Variants in KIAA1328 observed in about 807,000 individuals in gnomAD.
KIAA1328 encodes protein hinderin.
In KIAA1328, 52 loss-of-function variants were observed where a neutral mutation model predicts 68.1. The ratio of observed to expected loss-of-function variants is 0.76; its 90% CI spans 0.61 to 0.96. The LOEUF (loss-of-function observed/expected upper bound fraction) is 0.96. Ranked by LOEUF, KIAA1328 falls within the 40% of genes least tolerant of loss-of-function variation. The pLI is 0.00. For missense variants in KIAA1328, 641 were observed against 677.6 expected (o/e 0.95, Z 0.60); for synonymous variants, 232 against 239.4 (o/e 0.97, Z 0.28).
intron 5 of KIAA1328, among the ~76,000 whole-genome samples, chr18:36,948,260 TG>T (rs1239008716): frequency 6.2e-4 from 90 of 144,578 alleles, no homozygotes; most frequent in African/African-American, 1.8e-3. Context: ...GTTTGTCTTT[TG>T]TTTTTTTTTT....
chr18:37,033,249 A>C (rs1258818291), intron 6 of KIAA1328, among the ~76,000 whole-genome samples: 1 of 152,062 alleles, frequency 6.6e-6, no homozygotes, highest in African/African-American at 2.4e-5. Flanking sequence ...ATCATTTGTC[A>C]TCTCCAGGTG....
intron 5 of KIAA1328, among the ~76,000 whole-genome samples, chr18:36,929,449 A>G (rs1247428056): frequency 4.0e-5 from 6 of 151,288 alleles, no homozygotes; most frequent in African/African-American, 1.5e-4. Flanking sequence ...CCTTCAATGT[A>G]CCTGACTTTG....
At chr18:37,051,405 C>G (rs756413667) in intron 6 of KIAA1328, among the ~76,000 whole-genome samples, 1 of 152,122 alleles carries the variant, frequency 6.6e-6, no homozygotes, top group Non-Finnish European at 1.5e-5. Flanking sequence ...ATATGATCCT[C>G]AGAGACTACT....
At chr18:36,979,157 A>G (rs990792828) in intron 6 of KIAA1328, among the ~76,000 whole-genome samples, 5 of 151,752 alleles carry the variant, frequency 3.3e-5, no homozygotes, top group African/African-American at 4.8e-5. Context: ...CTGAGACCCT[A>G]TCTCTAAAAA....
intron 7 of KIAA1328, among the ~76,000 whole-genome samples, chr18:37,091,231 G>A (rs944028330): frequency 6.6e-6 from 1 of 152,280 alleles, no homozygotes; most frequent in East Asian, 1.9e-4. Flanking sequence ...GTCAAATAGA[G>A]CTTCTTGGAG....
At chr18:36,840,591 GATTACAGGA>G (rs2046826839) in intron 3 of KIAA1328, among the ~76,000 whole-genome samples, 2 of 151,970 alleles carry the variant, frequency 1.3e-5, no homozygotes, top group South Asian at 4.2e-4. Context: ...AACTAGCTGG[GATTACAGGA>G]ACGCACTACC....
intron 3 of KIAA1328, among the ~76,000 whole-genome samples, chr18:36,836,563 T>C (rs959321240): frequency 2.0e-5 from 3 of 152,172 alleles, no homozygotes; most frequent in Admixed American, 1.3e-4. Context: ...ATTTTACTTA[T>C]GTGCACAGAC....
chr18:36,977,897 T>A (rs1309209295), intron 6 of KIAA1328, among the ~76,000 whole-genome samples: 1 of 151,904 alleles, frequency 6.6e-6, no homozygotes, highest in Non-Finnish European at 1.5e-5. Flanking sequence ...GATTCTCATG[T>A]CTCAGCCTTT....
At chr18:37,027,784 A>T (rs1156264039) in intron 6 of KIAA1328, among the ~76,000 whole-genome samples, 4 of 151,978 alleles carry the variant, frequency 2.6e-5, no homozygotes, top group Non-Finnish European at 4.4e-5. Context: ...AACCTAGGCA[A>T]TACCATTCAG....
chr18:37,069,450 T>A (rs973711802), intron 7 of KIAA1328, among the ~76,000 whole-genome samples: 2 of 152,032 alleles, frequency 1.3e-5, no homozygotes, highest in East Asian at 3.9e-4. Context: ...TGATGAGGGA[T>A]ATTGTTCTGT....
At chr18:37,211,321 C>T (rs2060311782) in intron 9 of KIAA1328, among the ~76,000 whole-genome samples, 1 of 152,162 alleles carries the variant, frequency 6.6e-6, no homozygotes, top group African/African-American at 2.4e-5. Context: ...ACCTCAGTTT[C>T]CTCATCAATA....
intron 6 of KIAA1328, among the ~76,000 whole-genome samples, chr18:37,015,329 G>A (rs993378330): frequency 6.6e-6 from 1 of 152,004 alleles, no homozygotes; most frequent in Non-Finnish European, 1.5e-5. Context: ...CTTATTTCTG[G>A]GTTTTCTATT....
intron 6 of KIAA1328, among the ~76,000 whole-genome samples, chr18:37,049,141 G>A (rs1329926913): frequency 1.3e-5 from 2 of 152,166 alleles, no homozygotes; most frequent in Non-Finnish European, 2.9e-5. Flanking sequence ...CACAGTTTAA[G>A]AGAACTGTAA....
At chr18:37,178,339 A>G (rs1358285506) in intron 9 of KIAA1328, among the ~76,000 whole-genome samples, 1 of 152,090 alleles carries the variant, frequency 6.6e-6, no homozygotes, top group Non-Finnish European at 1.5e-5. Flanking sequence ...CCAGTTCAGT[A>G]TTTGTTTTTT....
intron 7 of KIAA1328, among the ~76,000 whole-genome samples, chr18:37,132,228 A>C (rs1437770861): frequency 6.6e-6 from 1 of 152,212 alleles, no homozygotes; most frequent in Non-Finnish European, 1.5e-5. Flanking sequence ...ATCCGAAAAC[A>C]AAAGGTCTTG....
rs537245746 is a variant in KIAA1328, at chr18:36,914,228, C to T, written c.448+28556C>T. The stretch of plus-strand genomic sequence containing the variant: ...ACAAAGCCTGCTCAGCTAAATCTAT[C>T]TCTTTTTTGTGTGCCATAGCATATA... On this transcript the variant is annotated intron_variant, in intron 5 of 9. Coordinates refer to ENST00000280020, the MANE Select transcript of KIAA1328 (RefSeq NM_020776.3). Among the ~76,000 whole-genome samples, 3 of 152,126 alleles carry T rather than the reference C, an allele frequency of 2.0e-5. No homozygotes were observed. The East Asian group carries it at 5.8e-4, about 29-fold the overall frequency.
intron 9 of KIAA1328, among the ~76,000 whole-genome samples, chr18:37,216,979 G>GTTTTTTTT (rs1480974787): frequency 1.4e-5 from 1 of 71,064 alleles, no homozygotes; most frequent in African/African-American, 5.6e-5. Context: ...CTTTTTTTTT[G>GTTTTTTTT]TTTTTTTTTT....
At chr18:37,178,961 T>C (rs760992906) in intron 9 of KIAA1328, among the ~76,000 whole-genome samples, 23 of 152,320 alleles carry the variant, frequency 1.5e-4, no homozygotes, top group Non-Finnish European at 2.6e-4. Flanking sequence ...GTTCCTTATA[T>C]ATTTTGCATA....
intron 6 of KIAA1328, among the ~76,000 whole-genome samples, chr18:37,046,129 G>C (rs2055460638): frequency 6.6e-6 from 1 of 152,062 alleles, no homozygotes; most frequent in Non-Finnish European, 1.5e-5. Context: ...CAAACTAAAT[G>C]GTCTGTGGTG....
Sources: allele counts gnomAD v4.1 joint callset (sites outside exome capture counted in the v4.1 genomes callset), GRCh38; gene constraint gnomAD v4.1.1; transcripts MANE v1.5; gene names NCBI Gene and HGNC (gene_info 2026-07-23, HGNC 2026-07-21).